The following EFCAB11 variants were observed in gnomAD, a reference collection of about 807,000 sequenced individuals.
EFCAB11 encodes the protein EF-hand calcium binding domain 11.
EFCAB11 carries 14 observed loss-of-function variants against 23.0 expected under a neutral mutation model. The observed-to-expected ratio is 0.61, with a 90% CI of 0.40 to 0.95. The LOEUF is 0.95. Among genes scored for constraint, EFCAB11 ranks in the 40% least tolerant of loss-of-function variants. The probability of loss-of-function intolerance (pLI) is 0.00; values close to 1 mark genes in which losing one functional copy is unlikely to be tolerated. For synonymous variants in EFCAB11, 65 were observed against 66.6 expected (o/e 0.98, Z 0.11); for missense variants, 198 against 195.8 (o/e 1.01, Z -0.07).
chr14:89,819,347 G>A (rs1418406478), intron 5 of EFCAB11, among the ~76,000 whole-genome samples: 1 of 152,092 alleles, frequency 6.6e-6, no homozygotes, highest in Non-Finnish European at 1.5e-5. Context: ...CTGAGAAGAG[G>A]GAAGGGGGAA....
intron 2 of EFCAB11, among the ~76,000 whole-genome samples, chr14:89,950,865 A>C (rs1891141993): frequency 6.6e-6 from 1 of 152,080 alleles, no homozygotes; most frequent in South Asian, 2.1e-4. Context: ...GTTCCTGCCA[A>C]ATGGTTCCCA....
intron 5 of EFCAB11, among the ~76,000 whole-genome samples, chr14:89,846,344 C>T (rs1291402256): frequency 6.6e-6 from 1 of 152,142 alleles, no homozygotes; most frequent in Admixed American, 6.5e-5. Context: ...AATGAAAGAA[C>T]GTCACTAACC....
intron 3 of EFCAB11, among the ~76,000 whole-genome samples, chr14:89,936,919 C>T (rs1890605470): frequency 6.6e-6 from 1 of 152,208 alleles, no homozygotes; most frequent in African/African-American, 2.4e-5. Context: ...AGTAATTCTA[C>T]TGACATCAGA....
At chr14:89,828,818 A>C (rs923716774) in intron 5 of EFCAB11, among the ~76,000 whole-genome samples, 1 of 152,158 alleles carries the variant, frequency 6.6e-6, no homozygotes, top group East Asian at 1.9e-4. Flanking sequence ...AGTTGGGGAG[A>C]TATTAGTGAA....
At chr14:89,841,451 G>C (rs780717324) in intron 5 of EFCAB11, among the ~76,000 whole-genome samples, 1 of 128,084 alleles carries the variant, frequency 7.8e-6, no homozygotes, top group Non-Finnish European at 1.6e-5. Context: ...CTTCCCCGCC[G>C]CACCCCCAGT....
intron 5 of EFCAB11, among the ~76,000 whole-genome samples, chr14:89,827,504 G>T (rs954155493): frequency 1.3e-5 from 2 of 152,110 alleles, no homozygotes; most frequent in African/African-American, 4.8e-5. Context: ...GATGTGGTTT[G>T]TCAGGCAGGT....
chr14:89,860,138 T>C (rs1596406592), intron 5 of EFCAB11, among the ~76,000 whole-genome samples: 1 of 152,016 alleles, frequency 6.6e-6, no homozygotes, highest in Non-Finnish European at 1.5e-5. Flanking sequence ...CCGAGGCAGG[T>C]GGATCACCTG....
intron 3 of EFCAB11, among the ~76,000 whole-genome samples, chr14:89,935,670 T>C (rs1890556523): frequency 6.6e-6 from 1 of 152,056 alleles, no homozygotes; most frequent in Admixed American, 6.6e-5. Flanking sequence ...AGGTCAGGAG[T>C]TCCAGACCAG....
chr14:89,823,539 A>G (rs892539986), intron 5 of EFCAB11, among the ~76,000 whole-genome samples: 3 of 152,212 alleles, frequency 2.0e-5, no homozygotes, highest in Non-Finnish European at 4.4e-5. Context: ...CTAATATAAT[A>G]ATACTCAGAA....
intron 5 of EFCAB11, among the ~76,000 whole-genome samples, chr14:89,904,947 A>C (rs2140207760): frequency 6.6e-6 from 1 of 151,750 alleles, no homozygotes; most frequent in East Asian, 1.9e-4. Flanking sequence ...CACCTAGACC[A>C]CCCCTCAGGT....
At chr14:89,815,190 C>T (rs80269359) in intron 5 of EFCAB11, among the ~76,000 whole-genome samples, 1 of 152,086 alleles carries the variant, frequency 6.6e-6, no homozygotes. Flanking sequence ...CAGAGCCCTG[C>T]AGAATAGCCC....
intron 5 of EFCAB11, among the ~76,000 whole-genome samples, chr14:89,915,546 A>C (rs1889814557): frequency 6.6e-6 from 1 of 152,216 alleles, no homozygotes; most frequent in Admixed American, 6.5e-5. Context: ...TTTCATATTT[A>C]ATTTACGGTG....
chr14:89,867,870 G>A (rs1888143875), intron 5 of EFCAB11, among the ~76,000 whole-genome samples: 1 of 152,206 alleles, frequency 6.6e-6, no homozygotes, highest in South Asian at 2.1e-4. Flanking sequence ...GGGCACTGAA[G>A]AAGGGGTGAG....
chr14:89,889,413 T>A (rs1435851843), intron 5 of EFCAB11, among the ~76,000 whole-genome samples: 1 of 152,156 alleles, frequency 6.6e-6, no homozygotes, highest in East Asian at 1.9e-4. Context: ...TATGAAATGG[T>A]GATTGTGAGG....
chr14:89,892,014 G>C, intron 5 of EFCAB11: 7 of 1,525,240 alleles, frequency 4.6e-6, no homozygotes, highest in Non-Finnish European at 6.2e-6. Context: ...GGCCACGAGC[G>C]CTTCAGCTGC....
At position 89,797,046 on chromosome 14, in the gene EFCAB11, T is replaced by C; in HGVS notation, c.*197A>G. ...AAAATTTAGTCAATTACTTATTGCA[T>C]GCCTGTGCCAAAATATCTCCCGTAA... is the stretch of plus-strand genomic sequence containing the variant. On this transcript the variant is annotated 3_prime_UTR_variant, in exon 6 of 6. Transcript: ENST00000316738. 2.9e-6 allele frequency: 1 copy of C among 341,558 alleles called. No homozygotes were observed. The highest frequency in any genetic ancestry group is 5.3e-6 in the Non-Finnish European group (1 of 187,110). 21.2% of individuals were successfully genotyped at this position (341,558 alleles called of 1,614,324 possible). A position where few individuals can be genotyped will look rare whatever the true frequency, so the allele number is the denominator to read the frequency against.
intron 5 of EFCAB11, among the ~76,000 whole-genome samples, chr14:89,838,291 T>C (rs534883654): frequency 1.3e-5 from 2 of 151,632 alleles, no homozygotes; most frequent in East Asian, 3.9e-4. Context: ...AGTTGTGAAA[T>C]AAAAAGAGGT....
At chr14:89,844,533 T>C (rs1887371648) in intron 5 of EFCAB11, among the ~76,000 whole-genome samples, 1 of 152,150 alleles carries the variant, frequency 6.6e-6, no homozygotes, top group African/African-American at 2.4e-5. Flanking sequence ...TGAATGAATA[T>C]AAGGAAGGCC....
Position 89,797,253 on chromosome 14 carries a change from T to G in EFCAB11, c.482A>C (p.Lys161Thr). 2 of 1,613,372 alleles carry G rather than the reference T, an allele frequency of 1.2e-6. No homozygotes were observed. Among genetic ancestry groups the G allele is most frequent in the South Asian group, 2.2e-5 (2 of 91,056 alleles). ...DFEYALNYGQ[K>T]EA ...AGTAGTTCACAATAGTTAGGCTTCC[T>G]TCTGTCCATAGTTCAGGGCATATTC... The change falls in exon 6 of 6, where the codon AAG (lysine) becomes ACG (threonine). Residue 161 changes from lysine to threonine, a missense_variant. Transcript: ENST00000316738.
Sources: allele counts gnomAD v4.1 joint callset (sites outside exome capture counted in the v4.1 genomes callset), GRCh38; gene constraint gnomAD v4.1.1; transcripts MANE v1.5; gene names NCBI Gene and HGNC (gene_info 2026-07-23, HGNC 2026-07-21).